ARHGAP21: variants seen among roughly 807,000 people sequenced by gnomAD.
The protein encoded by ARHGAP21 is rho GTPase-activating protein 21.
ARHGAP21 carries 38 observed loss-of-function variants against 164.6 expected under a neutral mutation model. The observed-to-expected ratio is 0.23, with a 90% CI of 0.18 to 0.30. ARHGAP21 has a LOEUF of 0.30. ARHGAP21 is among the 10% of genes least tolerant of loss of function. The pLI, the probability that ARHGAP21 is intolerant of heterozygous loss-of-function variation, is 1.00. For synonymous variants in ARHGAP21, 766 were observed against 857.9 expected, an observed-to-expected ratio of 0.89 and a Z score of 1.87; for missense variants, 1,822 against 2,370.7, an observed-to-expected ratio of 0.77 and a Z score of 4.81.
chr10:24,585,834 C>T lies in ARHGAP21; in HGVS notation c.4455G>A (p.Thr1485=), dbSNP rs752154046. 14 of 1,613,784 alleles carry T rather than the reference C, an allele frequency of 8.7e-6. No homozygotes were observed. Among genetic ancestry groups the T allele is most frequent in the Admixed American group, 1.7e-5 (1 of 59,982 alleles). The change falls in exon 26 of 26, where the codon ACG becomes ACA. Residue 1485 remains threonine, a synonymous_variant. Coordinates refer to ENST00000396432, the MANE Select transcript of ARHGAP21 (RefSeq NM_020824.4). ...KENSTRKDPS[T]TKDEKISLGK... ...CTAGTGATATCTTTTCATCTTTTGT[C>T]GTGCTGGGGTCTTTCCTAGTGCTGT...
At chr10:24,695,566 C>CAA (rs34010661) in intron 2 of ARHGAP21, among the ~76,000 whole-genome samples, 119 of 127,992 alleles carry the variant, frequency 9.3e-4, no homozygotes, top group Admixed American at 4.3e-3. Context: ...GAGACTGCGT[C>CAA]AAAAAAAAAA....
In ARHGAP21 at chr10:24,635,117, G is replaced by A. The variant is rs774696705; in HGVS notation, c.269-14C>T. The stretch of plus-strand genomic sequence containing the variant: ...TTCTTTGTTTTCCTGTTACAGAGAA[G>A]CCCAAAGCATGATTTTACTTCACAA... On this transcript the variant is annotated splice_polypyrimidine_tract_variant and intron_variant, in intron 4 of 25. Transcript: ENST00000396432. 5.2e-6 allele frequency: 8 copies of A among 1,538,860 alleles called. No homozygotes were observed. Among genetic ancestry groups the A allele is most frequent in the Non-Finnish European group, 6.2e-6 (7 of 1,133,422 alleles).
intron 4 of ARHGAP21, among the ~76,000 whole-genome samples, chr10:24,638,243 A>G (rs974820021): frequency 3.3e-5 from 5 of 152,152 alleles, no homozygotes; most frequent in African/African-American, 9.7e-5. Flanking sequence ...TCCTAGAGAG[A>G]GAAAAACATT....
At chr10:24,667,932 T>C (rs1047741411) in intron 3 of ARHGAP21, among the ~76,000 whole-genome samples, 2 of 152,192 alleles carry the variant, frequency 1.3e-5, no homozygotes. Context: ...ATGGAAAAGA[T>C]TCCAATATAT....
chr10:24,690,945 C>T (rs1045400053), intron 2 of ARHGAP21, among the ~76,000 whole-genome samples: 1 of 151,706 alleles, frequency 6.6e-6, no homozygotes. Context: ...TAGTCTCCAG[C>T]GTCTTTAAGA....
chr10:24,701,367 G>A (rs889710422), intron 2 of ARHGAP21, among the ~76,000 whole-genome samples: 7 of 151,518 alleles, frequency 4.6e-5, no homozygotes, highest in Admixed American at 1.3e-4. Context: ...TACAAAATGA[G>A]ATTTCCATTA....
At chr10:24,609,538 T>C (rs1191287969) in intron 9 of ARHGAP21, among the ~76,000 whole-genome samples, 1 of 152,210 alleles carries the variant, frequency 6.6e-6, no homozygotes, top group African/African-American at 2.4e-5. Context: ...TTTACTGGTA[T>C]GTTAAAAGGA....
rs1834641784 is a variant in ARHGAP21, at chr10:24,622,433, C to CATATAAATATAT, written c.525+299_525+300insATATATTTATAT. ...GGAAGAGGGTGAGATACTTAAAAAACATATATATATATATATATATATATA... is the reference window on the plus strand; with the variant it reads ...GGAAGAGGGTGAGATACTTAAAAAACATATAAATATATATATATATATATATATATATATATA... On this transcript the variant is annotated intron_variant, in intron 8 of 25. Coordinates refer to ENST00000396432, the MANE Select transcript of ARHGAP21 (RefSeq NM_020824.4). Among the ~76,000 whole-genome samples the CATATAAATATAT allele has an allele frequency of 1.3e-4, 12 of 89,770 alleles. 1 individual carries two copies. The highest frequency in any genetic ancestry group is 4.9e-4 in the African/African-American group (12 of 24,708). 58.9% of individuals were successfully genotyped at this position (89,770 alleles called of 152,430 possible).
chr10:24,587,295 C>A (rs561581157), intron 25 of ARHGAP21, among the ~76,000 whole-genome samples: 5 of 152,102 alleles, frequency 3.3e-5, no homozygotes, highest in African/African-American at 1.2e-4. Flanking sequence ...ATAATAGGTT[C>A]TTGATTGCAA....
intron 4 of ARHGAP21, among the ~76,000 whole-genome samples, chr10:24,656,169 G>A (rs1433256913): frequency 7.1e-6 from 1 of 141,352 alleles, no homozygotes; most frequent in East Asian, 2.2e-4. Flanking sequence ...AGGTGGGGGG[G>A]GTCAGCCCCC....
chr10:24,689,806 G>A (rs1192217586), intron 2 of ARHGAP21, among the ~76,000 whole-genome samples: 2 of 149,326 alleles, frequency 1.3e-5, no homozygotes, highest in Non-Finnish European at 3.0e-5. Flanking sequence ...ATATGTATAT[G>A]TATGTGTATA....
At chr10:24,609,182 A>C (rs1297283523) in intron 9 of ARHGAP21, among the ~76,000 whole-genome samples, 1 of 152,222 alleles carries the variant, frequency 6.6e-6, no homozygotes, top group African/African-American at 2.4e-5. Context: ...TACTGGGATA[A>C]ATCTTTGAGG....
chr10:24,609,621 C>A (rs926436447), intron 9 of ARHGAP21, among the ~76,000 whole-genome samples: 2 of 152,142 alleles, frequency 1.3e-5, no homozygotes, highest in African/African-American at 4.8e-5. Flanking sequence ...CTATACTAAT[C>A]CAATTCTTGA....
intron 9 of ARHGAP21, among the ~76,000 whole-genome samples, chr10:24,616,928 A>G (rs1262864362): frequency 3.9e-5 from 6 of 152,156 alleles, no homozygotes; most frequent in Non-Finnish European, 7.3e-5. Context: ...AAATTTAAAA[A>G]CAAAATGTAT....
chr10:24,696,406 CA>C (rs1188911442), intron 2 of ARHGAP21, among the ~76,000 whole-genome samples: 1 of 152,174 alleles, frequency 6.6e-6, no homozygotes, highest in East Asian at 1.9e-4. Context: ...CACCAACCCT[CA>C]AAACTCACAC....
In ARHGAP21 at chr10:24,667,021, A is replaced by AAT. The variant is rs772594079; in HGVS notation, c.244-14_244-13dup. 95 of 1,300,698 alleles carry AAT rather than the reference A, an allele frequency of 7.3e-5. No homozygotes were observed. In the Admixed American group the frequency reaches 1.5e-3, roughly 21 times the overall value. The allele number at this position is 1,300,698 out of a possible 1,614,324, so 80.6% of individuals were successfully genotyped here. ...CCATTTTCTTCATCCTACAAATGAA[A>AAT]ATATATATATACATATATGAGTACA... On this transcript the variant is annotated splice_polypyrimidine_tract_variant and intron_variant, in intron 3 of 25. Transcript: ENST00000396432.
intron 1 of ARHGAP21, chr10:24,722,579 T>A (rs554989495): frequency 5.2e-5 from 8 of 152,502 alleles, no homozygotes; most frequent in African/African-American, 1.9e-4. Flanking sequence ...CTGTGCATGT[T>A]GTTTTCTGCA....
intron 21 of ARHGAP21, 32 bp from the exon 22 acceptor site, chr10:24,592,044 G>T: frequency 6.7e-7 from 1 of 1,503,580 alleles, no homozygotes; most frequent in South Asian, 1.4e-5. Context: ...GGAAATACCA[G>T]AATTTTTCTT....
At chr10:24,666,121 C>A (rs148155557) in intron 4 of ARHGAP21, among the ~76,000 whole-genome samples, 128 of 152,308 alleles carry the variant, frequency 8.4e-4, no homozygotes, top group African/African-American at 2.9e-3. Flanking sequence ...GCTCTGCCTC[C>A]CAGGTTCACG....
Sources: allele counts gnomAD v4.1 joint callset (sites outside exome capture counted in the v4.1 genomes callset), GRCh38; gene constraint gnomAD v4.1.1; transcripts MANE v1.5; gene names NCBI Gene and HGNC (gene_info 2026-07-23, HGNC 2026-07-21).